Variants in PTPRC observed in about 807,000 individuals in gnomAD.
PTPRC encodes the protein receptor-type tyrosine-protein phosphatase C.
Under a neutral mutation model 155.9 loss-of-function variants are expected in PTPRC, and 44 were observed. That is an observed-to-expected ratio of 0.28 (90% CI 0.22 to 0.36). The LOEUF (loss-of-function observed/expected upper bound fraction) is 0.36. Among genes scored for constraint, PTPRC ranks in the 10% least tolerant of loss-of-function variants. PTPRC has a pLI of 1.00. For missense variants in PTPRC, 1,401 were observed against 1,564.6 expected (o/e 0.90, Z 1.76); for synonymous variants, 525 against 533.1 (o/e 0.98, Z 0.21).
intron 2 of PTPRC, among the ~76,000 whole-genome samples, chr1:198,690,565 T>A (rs187813469): frequency 1.3e-5 from 2 of 152,072 alleles, no homozygotes; most frequent in Admixed American, 6.6e-5. Flanking sequence ...GATATAAAAA[T>A]ATATATATCA....
At chr1:198,703,188 C>T in intron 6 of PTPRC, 110 bp from the exon 7 acceptor site, 2 of 1,477,624 alleles carry the variant, frequency 1.4e-6, no homozygotes, top group Non-Finnish European at 1.9e-6. Flanking sequence ...CAAACGAGGA[C>T]TCCTAGAGCA....
chr1:198,729,521 G>A (rs949428942), intron 17 of PTPRC, among the ~76,000 whole-genome samples: 3 of 152,150 alleles, frequency 2.0e-5, no homozygotes, highest in Non-Finnish European at 4.4e-5. Context: ...GGGATTATAG[G>A]CATGAACCAT....
Position 198,755,980 on chromosome 1 carries a change from C to T in PTPRC, c.3720C>T (p.Asn1240=). ...PAQNGQVKKN[N]HQEDKIEFDN... The stretch of plus-strand genomic sequence containing the variant: ...AGAATGGACAAGTAAAGAAAAACAA[C>T]CATCAAGAAGATAAAATTGAATTTG... The change falls in exon 33 of 33, where the codon AAC becomes AAT. Residue 1240 remains asparagine, a synonymous_variant. Coordinates refer to ENST00000442510, the MANE Select transcript of PTPRC (RefSeq NM_002838.5). 2 of 1,613,142 alleles carry T rather than the reference C, an allele frequency of 1.2e-6. No homozygotes were observed. Among genetic ancestry groups the T allele is most frequent in the Admixed American group, 1.7e-5 (1 of 59,890 alleles).
chr1:198,710,323 C>T (rs1034730910), intron 11 of PTPRC, among the ~76,000 whole-genome samples: 5 of 152,222 alleles, frequency 3.3e-5, no homozygotes, highest in Non-Finnish European at 5.9e-5. Context: ...CTTACACTGT[C>T]GATTACTGCT....
At chr1:198,745,061 A>G (rs1571889826) in intron 26 of PTPRC, among the ~76,000 whole-genome samples, 1 of 152,004 alleles carries the variant, frequency 6.6e-6, no homozygotes, top group East Asian at 1.9e-4. Flanking sequence ...TCTAGCTGAT[A>G]AATTAACCTT....
chr1:198,708,107 A>G lies in PTPRC; in HGVS notation c.905-26A>G, dbSNP rs763770040. 7.6e-6 allele frequency: 12 copies of G among 1,586,124 alleles called. No homozygotes were observed. In the African/African-American group the frequency reaches 1.3e-4, roughly 18 times the overall value. On this transcript the variant is annotated intron_variant, in intron 9 of 32. Transcript: ENST00000442510. ...GATACACATTATGAAATACTAATCA[A>G]GTTTATTTCTGTATCTTCTTGTCAG...
chr1:198,656,644 TTGTTTTTTG>T (rs1007421876), intron 2 of PTPRC, among the ~76,000 whole-genome samples: 5 of 88,368 alleles, frequency 5.7e-5, no homozygotes, highest in African/African-American at 2.5e-4. Flanking sequence ...TACTAGTTTT[TTGTTTTTTG>T]TTTTTTTTTT....
At chr1:198,749,174 C>G (rs1296687789) in intron 27 of PTPRC, among the ~76,000 whole-genome samples, 1 of 151,446 alleles carries the variant, frequency 6.6e-6, no homozygotes, top group African/African-American at 2.4e-5. Context: ...TATGATATCT[C>G]TTTGTTGTTT....
At chr1:198,699,977 C>A in intron 5 of PTPRC, 1 of 533,272 alleles carries the variant, frequency 1.9e-6, no homozygotes, top group Non-Finnish European at 3.3e-6. Context: ...ATATTTCAGG[C>A]AATTACCATT....
intron 5 of PTPRC, chr1:198,699,922 A>G: frequency 3.1e-6 from 2 of 640,340 alleles, no homozygotes; most frequent in Non-Finnish European, 5.4e-6. Flanking sequence ...TACAGCAAAA[A>G]TCTGCTCAGG....
intron 2 of PTPRC, among the ~76,000 whole-genome samples, chr1:198,661,006 A>G (rs1256933392): frequency 6.6e-6 from 1 of 151,104 alleles, no homozygotes; most frequent in East Asian, 1.9e-4. Context: ...GACTAGGATC[A>G]ATGTATATAT....
intron 11 of PTPRC, among the ~76,000 whole-genome samples, chr1:198,711,256 C>G (rs1156931779): frequency 6.6e-6 from 1 of 152,106 alleles, no homozygotes; most frequent in Admixed American, 6.5e-5. Context: ...AAACTATATC[C>G]TCAGCATAAC....
chr1:198,742,396 C>T (rs779050660), intron 25 of PTPRC, 29 bp downstream of exon 25: 9 of 1,610,564 alleles, frequency 5.6e-6, no homozygotes, highest in South Asian at 2.2e-5. Flanking sequence ...TGATTATTCT[C>T]ACTTTGGTTT....
intron 2 of PTPRC, among the ~76,000 whole-genome samples, chr1:198,685,790 C>T (rs144501773): frequency 6.6e-5 from 10 of 152,120 alleles, no homozygotes; most frequent in African/African-American, 2.4e-4. Flanking sequence ...GTCAAGTATG[C>T]ATTCTCAACC....
At position 198,742,247 on chromosome 1, in the gene PTPRC, C is replaced by T. The variant is rs1473099916; in HGVS notation, c.2577C>T (p.Arg859=). 1.2e-6 allele frequency: 2 copies of T among 1,611,982 alleles called. No homozygotes were observed. Among genetic ancestry groups the T allele is most frequent in the Non-Finnish European group, 1.7e-6 (2 of 1,178,838 alleles). ...IVVHCSAGVG[R]TGTYIGIDAM... ...GGTTTGCCAGTGCTGGTGTTGGGCG[C>T]ACAGGAACCTATATCGGAATTGATG... is the stretch of plus-strand genomic sequence containing the variant. Residue 859 remains arginine, a synonymous_variant, in exon 25 of 33, where the codon CGC becomes CGT. Coordinates refer to ENST00000442510, the MANE Select transcript of PTPRC (RefSeq NM_002838.5).
rs773084121 is a variant in PTPRC, at chr1:198,750,474, C to T, written c.3073-18C>T. The T allele has an allele frequency of 1.2e-6, 2 of 1,609,920 alleles. No individual in the cohort carries two copies. The highest frequency in any genetic ancestry group is 1.7e-5 in the Admixed American group (1 of 59,808). ...TCTTCTGTAGTAACGAAGTCCCACC[C>T]TTTTTTTGTCTAAAAAGAGCTACTG... On this transcript the variant is annotated intron_variant, in intron 28 of 32. Coordinates refer to ENST00000442510, the MANE Select transcript of PTPRC (RefSeq NM_002838.5).
At chr1:198,692,255 G>A in intron 2 of PTPRC, 92 bp from the exon 3 acceptor site, 4 of 929,706 alleles carry the variant, frequency 4.3e-6, no homozygotes, top group Non-Finnish European at 6.3e-6. Context: ...TTCTATCATA[G>A]ACTTGAGGTA....
chr1:198,665,747 T>C (rs983566414), intron 2 of PTPRC, among the ~76,000 whole-genome samples: 1 of 152,220 alleles, frequency 6.6e-6, no homozygotes, highest in East Asian at 1.9e-4. Flanking sequence ...TTCAATGTAG[T>C]ACATGGTAAC....
chr1:198,666,364 A>G (rs968027985), intron 2 of PTPRC, among the ~76,000 whole-genome samples: 1 of 152,140 alleles, frequency 6.6e-6, no homozygotes, highest in East Asian at 1.9e-4. Context: ...CCACACATGT[A>G]GGAAGGAGAA....
Sources: allele counts gnomAD v4.1 joint callset (sites outside exome capture counted in the v4.1 genomes callset), GRCh38; gene constraint gnomAD v4.1.1; transcripts MANE v1.5; gene names NCBI Gene and HGNC (gene_info 2026-07-23, HGNC 2026-07-21).